Variants in THSD7B observed in about 807,000 individuals in gnomAD.
THSD7B encodes thrombospondin type 1 domain containing 7B.
THSD7B carries 138 observed loss-of-function variants against 213.6 expected under a neutral mutation model. The ratio of observed to expected loss-of-function variants is 0.65; its 90% CI spans 0.56 to 0.74. The LOEUF is 0.74. Among genes scored for constraint, THSD7B ranks in the 30% least tolerant of loss-of-function variants. THSD7B has a pLI of 0.00. For missense variants in THSD7B, 1,931 were observed against 1,991.5 expected (o/e 0.97, Z 0.58); for synonymous variants, 742 against 687.0 (o/e 1.08, Z -1.25).
intron 5 of THSD7B, among the ~76,000 whole-genome samples, chr2:137,131,844 G>T (rs2104954442): frequency 6.6e-6 from 1 of 152,284 alleles, no homozygotes; most frequent in Non-Finnish European, 1.5e-5. Flanking sequence ...TTTGACTTAG[G>T]ATTGACTTGG....
chr2:137,567,179 T>TATTTA lies in THSD7B; in HGVS notation c.3272+3829_3272+3830insAATTT, dbSNP rs1170927109. ...TATTTTATTTTATTTTATTTTATTT[T>TATTTA]ATTTTTTGAGACTGAGTCTTGATCT... On this transcript the variant is annotated intron_variant, in intron 16 of 27. Transcript: ENST00000409968. Among the ~76,000 whole-genome samples, 5 of 149,406 alleles carry TATTTA rather than the reference T, an allele frequency of 3.3e-5. No homozygotes were observed. In the East Asian group the frequency reaches 7.9e-4, roughly 23 times the overall value.
intron 15 of THSD7B, among the ~76,000 whole-genome samples, chr2:137,517,664 C>G (rs1680095904): frequency 6.6e-6 from 1 of 152,168 alleles, no homozygotes; most frequent in African/African-American, 2.4e-5. Context: ...GGCTCTGAAA[C>G]AGGTCCAGCC....
At chr2:137,498,770 T>C (rs1558817320) in intron 15 of THSD7B, among the ~76,000 whole-genome samples, 1 of 152,206 alleles carries the variant, frequency 6.6e-6, no homozygotes, top group East Asian at 1.9e-4. Flanking sequence ...AGGTGTTATA[T>C]TGTGACAACA....
intron 10 of THSD7B, among the ~76,000 whole-genome samples, chr2:137,250,451 C>T (rs1290907237): frequency 6.6e-6 from 1 of 152,062 alleles, no homozygotes; most frequent in Admixed American, 6.6e-5. Flanking sequence ...TTAATTCTTA[C>T]CTCAACCTTA....
Position 137,094,999 on chromosome 2 carries a change from A to T in THSD7B, c.1077A>T (p.Pro359=), listed in dbSNP as rs778824421. ...SKTCRSGSLL[P]GFRSRSRNVK... is the part of the protein sequence containing the mutation. Reference sequence around the variant, plus strand: ...CATGCCGTTCAGGGAGTCTCTTGCCAGGATTTAGGAGCAGGAGCCGGAACG... The same window carrying T: ...CATGCCGTTCAGGGAGTCTCTTGCCTGGATTTAGGAGCAGGAGCCGGAACG... Residue 359 remains proline, a synonymous_variant, in exon 4 of 28, where the codon CCA becomes CCT. Coordinates refer to ENST00000409968, the MANE Select transcript of THSD7B (RefSeq NM_001316349.2). 6.2e-7 allele frequency: 1 copy of T among 1,613,872 alleles called. No homozygotes were observed. Among genetic ancestry groups the T allele is most frequent in the Non-Finnish European group, 8.5e-7 (1 of 1,179,860 alleles).
intron 1 of THSD7B, among the ~76,000 whole-genome samples, chr2:136,802,787 G>T (rs1682213145): frequency 1.3e-5 from 2 of 150,144 alleles, no homozygotes; most frequent in African/African-American, 2.4e-5. Flanking sequence ...TTCACCTGCT[G>T]AACTGCAACA....
At chr2:137,369,552 G>A (rs190234595) in intron 12 of THSD7B, among the ~76,000 whole-genome samples, 1 of 152,272 alleles carries the variant, frequency 6.6e-6, no homozygotes, top group East Asian at 1.9e-4. Context: ...GGTTGAGTGT[G>A]CTAAAAGAGG....
chr2:137,037,393 A>G (rs913235101), intron 2 of THSD7B, among the ~76,000 whole-genome samples: 13 of 147,458 alleles, frequency 8.8e-5, no homozygotes, highest in South Asian at 4.5e-4. Flanking sequence ...CATGTTTTTG[A>G]ACTGATATAT....
intron 12 of THSD7B, among the ~76,000 whole-genome samples, chr2:137,315,188 G>T (rs573557946): frequency 5.3e-4 from 81 of 152,326 alleles, no homozygotes; most frequent in East Asian, 5.0e-3. Flanking sequence ...CTCCAAGCCA[G>T]GTGCGGGATA....
intron 15 of THSD7B, among the ~76,000 whole-genome samples, chr2:137,553,704 A>C (rs971368769): frequency 2.0e-5 from 3 of 152,176 alleles, no homozygotes; most frequent in Non-Finnish European, 4.4e-5. Flanking sequence ...TGTGCCATTC[A>C]GAAATAGATT....
chr2:136,935,940 A>G (rs1684718532), intron 2 of THSD7B, among the ~76,000 whole-genome samples: 1 of 147,996 alleles, frequency 6.8e-6, no homozygotes, highest in South Asian at 2.1e-4. Flanking sequence ...TTATAATTAT[A>G]TAATTATATA....
chr2:137,389,197 T>TATAC (rs1685959839), intron 12 of THSD7B, among the ~76,000 whole-genome samples: 1 of 144,256 alleles, frequency 6.9e-6, no homozygotes, highest in South Asian at 2.2e-4. Flanking sequence ...ATCTGTCATA[T>TATAC]ATATATATAT....
intron 15 of THSD7B, among the ~76,000 whole-genome samples, chr2:137,554,830 A>G (rs1236169197): frequency 6.6e-6 from 1 of 152,182 alleles, no homozygotes; most frequent in Non-Finnish European, 1.5e-5. Context: ...GGCACTTGGA[A>G]AATCGGGTCA....
intron 2 of THSD7B, among the ~76,000 whole-genome samples, chr2:136,917,035 A>G (rs1367412826): frequency 6.6e-6 from 1 of 152,252 alleles, no homozygotes; most frequent in Non-Finnish European, 1.5e-5. Context: ...TAGCATTCAA[A>G]TTGATACTGG....
intron 17 of THSD7B, among the ~76,000 whole-genome samples, chr2:137,577,778 A>T (rs73958898): frequency 0.24 from 36,458 of 152,060 alleles, 4,571 homozygotes; most frequent in South Asian, 0.35. Context: ...ACCTAACAAC[A>T]CTTTTCTACA....
intron 17 of THSD7B, among the ~76,000 whole-genome samples, chr2:137,582,830 T>C (rs1052842037): frequency 1.3e-5 from 2 of 152,308 alleles, no homozygotes; most frequent in African/African-American, 2.4e-5. Flanking sequence ...AGCAGCATGA[T>C]TTATAATCCT....
At chr2:137,015,892 C>T (rs765654477) in intron 2 of THSD7B, among the ~76,000 whole-genome samples, 1 of 152,062 alleles carries the variant, frequency 6.6e-6, no homozygotes, top group South Asian at 2.1e-4. Context: ...CCCCTTTCCT[C>T]GAGAGGAGGG....
intron 2 of THSD7B, among the ~76,000 whole-genome samples, chr2:136,975,905 C>G (rs1004595458): frequency 6.6e-6 from 1 of 152,106 alleles, no homozygotes; most frequent in Admixed American, 6.5e-5. Context: ...CCTTCACTTC[C>G]CTTGTTAGCT....
intron 2 of THSD7B, among the ~76,000 whole-genome samples, chr2:137,022,424 T>C (rs796499151): frequency 2.4e-4 from 37 of 152,290 alleles, no homozygotes; most frequent in African/African-American, 8.9e-4. Flanking sequence ...GTGAATTTTT[T>C]GATTTTATGA....
Sources: allele counts gnomAD v4.1 joint callset (sites outside exome capture counted in the v4.1 genomes callset), GRCh38; gene constraint gnomAD v4.1.1; transcripts MANE v1.5; gene names NCBI Gene and HGNC (gene_info 2026-07-23, HGNC 2026-07-21).